Variants in MROH2B observed in about 807,000 individuals in gnomAD.
MROH2B encodes the protein maestro heat-like repeat-containing protein family member 2B.
Under a neutral mutation model 208.6 loss-of-function variants are expected in MROH2B, and 177 were observed. The ratio of observed to expected loss-of-function variants is 0.85; its 90% CI spans 0.75 to 0.96. The LOEUF is 0.96. MROH2B is among the 40% of genes least tolerant of loss of function. The pLI, the probability that MROH2B is intolerant of heterozygous loss-of-function variation, is 0.00. For synonymous variants in MROH2B, 728 were observed against 659.0 expected (o/e 1.10, Z -1.60); for missense variants, 2,002 against 1,878.7 (o/e 1.07, Z -1.21).
intron 1 of MROH2B, among the ~76,000 whole-genome samples, chr5:41,070,206 A>C (rs1302558381): frequency 2.0e-5 from 3 of 152,016 alleles, no homozygotes; most frequent in Non-Finnish European, 2.9e-5. Flanking sequence ...AACTCCACCT[A>C]TTCTCCTGTG....
chr5:41,046,634 A>G (rs1743128557), intron 17 of MROH2B, among the ~76,000 whole-genome samples: 1 of 152,146 alleles, frequency 6.6e-6, no homozygotes, highest in Admixed American at 6.6e-5. Flanking sequence ...AGAGAAGAAG[A>G]CATGTGCAGA....
intron 10 of MROH2B, among the ~76,000 whole-genome samples, chr5:41,055,088 T>C (rs1205448012): frequency 2.6e-5 from 4 of 152,238 alleles, no homozygotes; most frequent in Non-Finnish European, 4.4e-5. Context: ...GTGGTTTCAA[T>C]ATATCATTCC....
chr5:41,000,628 C>T (rs1741365460), intron 38 of MROH2B, 50 bp downstream of exon 38: 2 of 1,559,504 alleles, frequency 1.3e-6, no homozygotes, highest in African/African-American at 2.7e-5. Context: ...ATTGGTACTT[C>T]TCAGCCATGG....
Position 41,069,738 on chromosome 5 carries a change from T to A in MROH2B, c.43A>T (p.Ile15Phe). 1 of 1,606,636 alleles carries A rather than the reference T, an allele frequency of 6.2e-7. No individual in the cohort carries two copies. The highest frequency in any genetic ancestry group is 8.5e-7 in the Non-Finnish European group (1 of 1,175,452). ...TTCAGCATGCCAAGAGTGAGGTTAATATCCCCAAACATCTCTAAAACGTAC... is the reference window on the plus strand; with the variant it reads ...TTCAGCATGCCAAGAGTGAGGTTAAAATCCCCAAACATCTCTAAAACGTAC... ...TEESIEMFGD[I>F]NLTLGMLNKE... is the part of the protein sequence containing the mutation. Residue 15 changes from isoleucine to phenylalanine, a missense_variant, in exon 2 of 42, where the codon ATT (isoleucine) becomes TTT (phenylalanine). Physicochemically the swap from Ile to Phe is conservative, Grantham distance 21 (BLOSUM62 0). Transcript: ENST00000399564.
At chr5:41,010,929 T>A (rs1171864499) in intron 30 of MROH2B, among the ~76,000 whole-genome samples, 1 of 152,180 alleles carries the variant, frequency 6.6e-6, no homozygotes, top group East Asian at 1.9e-4. Flanking sequence ...AAAACTGCTC[T>A]AAAAAATCTA....
At chr5:41,039,015 T>A (rs1742856674) in intron 20 of MROH2B, 127 bp from the exon 21 acceptor site, 4 of 841,362 alleles carry the variant, frequency 4.8e-6, no homozygotes, top group Non-Finnish European at 7.2e-6. Flanking sequence ...TTCGAATAAG[T>A]CTAAAATGAA....
chr5:41,007,251 T>A, intron 34 of MROH2B, 63 bp downstream of exon 34: 2 of 1,351,578 alleles, frequency 1.5e-6, no homozygotes, highest in Non-Finnish European at 9.6e-7. Context: ...GTATTGCACT[T>A]TTGTTTGTTT....
At chr5:41,055,533 C>T (rs1398866541) in intron 10 of MROH2B, among the ~76,000 whole-genome samples, 1 of 147,166 alleles carries the variant, frequency 6.8e-6, no homozygotes, top group Non-Finnish European at 1.5e-5. Flanking sequence ...CAACTGGGTG[C>T]ATCCATAAAT....
At chr5:41,023,514 C>G (rs1037572700) in intron 24 of MROH2B, among the ~76,000 whole-genome samples, 7 of 152,276 alleles carry the variant, frequency 4.6e-5, no homozygotes, top group Middle Eastern at 3.4e-3. Flanking sequence ...AAGAAATGAA[C>G]AAAGCCTCCA....
At chr5:41,044,083 C>CA (rs57264129) in intron 18 of MROH2B, among the ~76,000 whole-genome samples, 11,791 of 130,146 alleles carry the variant, frequency 0.091, 585 homozygotes, top group African/African-American at 0.15. Flanking sequence ...ACTAAAAATA[C>CA]AAAAAAAAAA....
intron 9 of MROH2B, among the ~76,000 whole-genome samples, chr5:41,056,787 A>AG (rs1743466826): frequency 6.6e-6 from 1 of 151,892 alleles, no homozygotes; most frequent in South Asian, 2.1e-4. Context: ...AAAAAAAAAA[A>AG]AAAAAGAAAT....
At chr5:41,068,709 G>A (rs1743885911) in intron 2 of MROH2B, among the ~76,000 whole-genome samples, 1 of 132,836 alleles carries the variant, frequency 7.5e-6, no homozygotes, top group Non-Finnish European at 1.7e-5. Flanking sequence ...CTGGGATCCG[G>A]AGGTTATTCT....
intron 5 of MROH2B, 80 bp from the exon 6 acceptor site, chr5:41,061,804 C>T: frequency 7.1e-7 from 1 of 1,406,150 alleles, no homozygotes; most frequent in Non-Finnish European, 9.6e-7. Flanking sequence ...GAAGAGAGTG[C>T]TGATGATTAG....
Position 41,058,106 on chromosome 5 carries a change from A to G in MROH2B, c.713T>C (p.Leu238Pro). 10 of 1,606,174 alleles carry G rather than the reference A, an allele frequency of 6.2e-6. No individual in the cohort carries two copies. Among genetic ancestry groups the G allele is most frequent in the South Asian group, 2.2e-5 (2 of 89,414 alleles). ...AATCTCTTTGTCTTTATACTGGTTC[A>G]GGAGCCAGGGCACCTGGCCCAGGGC... ...GYALGQVPWL[L>P]NQYKDKEIDF... The change falls in exon 7 of 42, where the codon CTG (leucine) becomes CCG (proline). Residue 238 changes from leucine to proline, a missense_variant. Leu to Pro is a moderately conservative substitution (Grantham distance 98). Transcript: ENST00000399564.
intron 39 of MROH2B, 107 bp downstream of exon 39, chr5:41,000,113 C>T: frequency 7.0e-7 from 1 of 1,435,866 alleles, no homozygotes; most frequent in Non-Finnish European, 9.5e-7. Flanking sequence ...CCTTCCAAGG[C>T]AGTTCTGGCT....
chr5:41,047,650 A>G, intron 17 of MROH2B, 71 bp downstream of exon 17: 1 of 1,367,670 alleles, frequency 7.3e-7, no homozygotes, highest in Non-Finnish European at 1.0e-6. Flanking sequence ...TAGTTCCTTT[A>G]ATTTAGGATG....
chr5:41,055,443 CT>C (rs1461499918), intron 10 of MROH2B, among the ~76,000 whole-genome samples: 1 of 150,488 alleles, frequency 6.6e-6, no homozygotes, highest in East Asian at 2.0e-4. Context: ...CCACCCACCC[CT>C]TGATATTGGA....
At chr5:41,046,970 C>T (rs1482543584) in intron 17 of MROH2B, among the ~76,000 whole-genome samples, 1 of 152,114 alleles carries the variant, frequency 6.6e-6, no homozygotes, top group African/African-American at 2.4e-5. Flanking sequence ...GATTCTGAAT[C>T]TGGAAGGGAG....
Position 41,017,896 on chromosome 5 carries a change from G to A in MROH2B, c.2838C>T (p.Ile946=), listed in dbSNP as rs1466657560. 2.5e-6 allele frequency: 4 copies of A among 1,591,442 alleles called. No individual in the cohort carries two copies. The African/African-American group carries it at 5.4e-5, about 21-fold the overall frequency. Residue 946 remains isoleucine, a synonymous_variant, in exon 28 of 42, where the codon ATC becomes ATT. Transcript: ENST00000399564. ...TAGTTGAGCTAGCAGCCGCCTGACG[G>A]ATGGTGGGCAGGGTATCACAGGAGT... is the stretch of plus-strand genomic sequence containing the variant. ...APHSCDTLPT[I]RQAAASSTIG... is the part of the protein sequence containing the mutation.
Sources: gnomAD v4.1 joint callset for allele counts (sites outside exome capture counted in the v4.1 genomes callset) on GRCh38, gnomAD v4.1.1 for gene constraint, MANE v1.5 for transcripts, NCBI Gene and HGNC (gene_info 2026-07-23, HGNC 2026-07-21) for gene names.